Variants in ARHGAP44 observed in about 807,000 individuals in gnomAD.
The protein encoded by ARHGAP44 is rho GTPase-activating protein 44.
ARHGAP44 carries 43 observed loss-of-function variants against 106.8 expected under a neutral mutation model. The observed-to-expected ratio is 0.40, with a 90% CI of 0.32 to 0.52. The LOEUF (loss-of-function observed/expected upper bound fraction) is 0.52. Ranked by LOEUF, ARHGAP44 falls within the 20% of genes least tolerant of loss-of-function variation. ARHGAP44 has a pLI of 0.48. For missense variants in ARHGAP44, 866 were observed against 1,050.5 expected (o/e 0.82, Z 2.43); for synonymous variants, 439 against 410.3 (o/e 1.07, Z -0.85).
chr17:12,961,268 A>C (rs933723937), intron 16 of ARHGAP44, among the ~76,000 whole-genome samples: 4 of 152,216 alleles, frequency 2.6e-5, no homozygotes, highest in Admixed American at 6.5e-5. Context: ...TCTTGAGCAG[A>C]TACCTTATCT....
chr17:12,806,646 G>C (rs2034282551), intron 1 of ARHGAP44, among the ~76,000 whole-genome samples: 1 of 152,220 alleles, frequency 6.6e-6, no homozygotes. Context: ...TCTGATGTCA[G>C]ATTCCCATAG....
In ARHGAP44 at chr17:12,971,740, T is replaced by A. The variant is rs186305737; in HGVS notation, c.1524-1562T>A. 6.0e-4 allele frequency among the ~76,000 whole-genome samples: 91 copies of A among 152,198 alleles called. 1 individual carries two copies. The Middle Eastern group carries it at 0.024, about 40-fold the overall frequency. On this transcript the variant is annotated intron_variant, in intron 16 of 20. Transcript: ENST00000379672. ...CCAGATGACTTTGGAAACTATTGGGTCCAGGAAAGAGACATCCCTCCCCTT... is the reference window on the plus strand; with the variant it reads ...CCAGATGACTTTGGAAACTATTGGGACCAGGAAAGAGACATCCCTCCCCTT...
chr17:12,959,405 T>C (rs1384397890), intron 16 of ARHGAP44, among the ~76,000 whole-genome samples: 1 of 152,348 alleles, frequency 6.6e-6, no homozygotes, highest in East Asian at 1.9e-4. Context: ...TGTTTTCCTA[T>C]CTTTTATTAT....
chr17:12,865,504 G>C (rs1407960521), intron 1 of ARHGAP44, among the ~76,000 whole-genome samples: 2 of 152,084 alleles, frequency 1.3e-5, no homozygotes, highest in Admixed American at 1.3e-4. Context: ...GAAATCAGTA[G>C]TGAGGCTGGG....
chr17:12,881,702 T>A (rs1412056844), intron 1 of ARHGAP44, among the ~76,000 whole-genome samples: 1 of 152,102 alleles, frequency 6.6e-6, no homozygotes, highest in African/African-American at 2.4e-5. Flanking sequence ...GTTGTTGTTG[T>A]TTGTTTATTT....
intron 17 of ARHGAP44, 147 bp downstream of exon 17, chr17:12,973,466 T>C (rs2039579883): frequency 1.2e-6 from 1 of 801,368 alleles, no homozygotes; most frequent in Non-Finnish European, 2.0e-6. Flanking sequence ...ATCATTAAAA[T>C]AGAATCAGAG....
intron 1 of ARHGAP44, among the ~76,000 whole-genome samples, chr17:12,804,970 A>T (rs1248778736): frequency 6.6e-6 from 1 of 151,942 alleles, no homozygotes; most frequent in Non-Finnish European, 1.5e-5. Context: ...TGTCCACTAT[A>T]TCTGCTATGT....
chr17:12,914,664 C>T (rs1253560672), intron 4 of ARHGAP44, among the ~76,000 whole-genome samples: 1 of 151,976 alleles, frequency 6.6e-6, no homozygotes, highest in Non-Finnish European at 1.5e-5. Flanking sequence ...GGTGTGGTGG[C>T]AGCCTCCTGT....
chr17:12,952,879 C>A (rs907508209), intron 13 of ARHGAP44, among the ~76,000 whole-genome samples: 1 of 151,822 alleles, frequency 6.6e-6, no homozygotes, highest in Non-Finnish European at 1.5e-5. Flanking sequence ...AGGCACCCAC[C>A]ACCACGCGTG....
rs1476085618 is a variant in ARHGAP44, at chr17:12,990,157, A to C, written c.2443A>C (p.Ser815Arg). Reference sequence around the variant, plus strand: ...GAGGGACTCGGAGGAGGAGTCTGAGAGCACCGCCCTCTGACATGACACCGC... The same window carrying C: ...GAGGGACTCGGAGGAGGAGTCTGAGCGCACCGCCCTCTGACATGACACCGC... ...DKRDSEEESE[S>R]TAL The change falls in exon 21 of 21, where the codon AGC becomes CGC. Residue 815 changes from serine (S) to arginine (R), a missense_variant. Ser to Arg is a moderately radical substitution (Grantham distance 110, BLOSUM62 -1). Transcript: ENST00000379672. 2 of 1,612,432 alleles carry C rather than the reference A, an allele frequency of 1.2e-6. No individual in the cohort carries two copies. Among genetic ancestry groups the C allele is most frequent in the Non-Finnish European group, 1.7e-6 (2 of 1,178,622 alleles).
At chr17:12,951,567 C>T (rs751262872) in intron 12 of ARHGAP44, among the ~76,000 whole-genome samples, 10 of 151,874 alleles carry the variant, frequency 6.6e-5, no homozygotes, top group Non-Finnish European at 1.5e-4. Context: ...TGCTTCAGGA[C>T]CTATCCAGAG....
chr17:12,922,441 T>C (rs982558535), intron 6 of ARHGAP44, among the ~76,000 whole-genome samples: 3 of 152,198 alleles, frequency 2.0e-5, no homozygotes, highest in African/African-American at 7.2e-5. Flanking sequence ...GGGAGTCATG[T>C]AAGATGGCTG....
chr17:12,816,082 A>G (rs1034471786), intron 1 of ARHGAP44, among the ~76,000 whole-genome samples: 3 of 152,104 alleles, frequency 2.0e-5, no homozygotes, highest in Non-Finnish European at 2.9e-5. Flanking sequence ...GATTATAGGC[A>G]TGGTTGATTT....
chr17:12,908,688 T>C (rs1462462955), intron 3 of ARHGAP44, among the ~76,000 whole-genome samples: 1 of 152,248 alleles, frequency 6.6e-6, no homozygotes, highest in African/African-American at 2.4e-5. Context: ...AAGTGGCAAA[T>C]ATAATTCAGT....
intron 17 of ARHGAP44, chr17:12,973,611 A>G (rs1407792988): frequency 5.7e-6 from 3 of 524,482 alleles, no homozygotes; most frequent in Non-Finnish European, 1.0e-5. Context: ...AAAAAGAAGG[A>G]TTCATATTTA....
chr17:12,984,854 T>C lies in ARHGAP44; in HGVS notation c.2263T>C (p.Ser755Pro). 1 of 1,613,914 alleles carries C rather than the reference T, an allele frequency of 6.2e-7. No homozygotes were observed. Among genetic ancestry groups the C allele is most frequent in the Non-Finnish European group, 8.5e-7 (1 of 1,179,856 alleles). ...TVNLSASSPQ[S>P]TEAPMLDGMS... ...AAACCTCTCGGCCTCTAGTCCACAGTCCACGGAGGCCCCCATGCTAGATGG... is the reference window on the plus strand; with the variant it reads ...AAACCTCTCGGCCTCTAGTCCACAGCCCACGGAGGCCCCCATGCTAGATGG... Residue 755 changes from serine (S) to proline (P), a missense_variant, in exon 20 of 21, where the codon TCC becomes CCC. Transcript: ENST00000379672.
At chr17:12,830,858 T>G (rs2035066989) in intron 1 of ARHGAP44, among the ~76,000 whole-genome samples, 1 of 152,232 alleles carries the variant, frequency 6.6e-6, no homozygotes, top group South Asian at 2.1e-4. Context: ...TTAGCAACAC[T>G]TAGCAACTGC....
intron 6 of ARHGAP44, among the ~76,000 whole-genome samples, chr17:12,920,419 C>T (rs896419958): frequency 5.4e-5 from 8 of 146,920 alleles, no homozygotes; most frequent in Non-Finnish European, 7.4e-5. Context: ...TTTTGGAAGG[C>T]GATGATGGAG....
chr17:12,906,707 G>C (rs1388465640), intron 3 of ARHGAP44, among the ~76,000 whole-genome samples: 2 of 152,140 alleles, frequency 1.3e-5, no homozygotes, highest in Non-Finnish European at 2.9e-5. Flanking sequence ...GGCCAAAGCA[G>C]GAGGATTGCT....
Sources: allele counts gnomAD v4.1 joint callset (sites outside exome capture counted in the v4.1 genomes callset), GRCh38; gene constraint gnomAD v4.1.1; transcripts MANE v1.5; gene names NCBI Gene and HGNC (gene_info 2026-07-23, HGNC 2026-07-21).